The following FARP1 variants were observed in gnomAD, a reference collection of about 807,000 sequenced individuals.
The protein encoded by FARP1 is FERM, ARHGEF and pleckstrin domain-containing protein 1.
In FARP1, 52 loss-of-function variants were observed where a neutral mutation model predicts 128.8. The ratio of observed to expected loss-of-function variants is 0.40; its 90% CI spans 0.32 to 0.51. The LOEUF (loss-of-function observed/expected upper bound fraction) is 0.51. FARP1 is among the 20% of genes least tolerant of loss of function. FARP1 has a pLI of 0.45. For missense variants in FARP1, 1,333 were observed against 1,367.9 expected (o/e 0.97, Z 0.40); for synonymous variants, 580 against 551.8 (o/e 1.05, Z -0.72).
At chr13:98,334,587 C>A (rs2139841559) in intron 2 of FARP1, among the ~76,000 whole-genome samples, 1 of 152,250 alleles carries the variant, frequency 6.6e-6, no homozygotes, top group Non-Finnish European at 1.5e-5. Context: ...CATCTCTAGC[C>A]CTTTCATGAC....
intron 2 of FARP1, among the ~76,000 whole-genome samples, chr13:98,313,275 T>A (rs1366254582): frequency 6.0e-5 from 4 of 66,238 alleles, no homozygotes; most frequent in South Asian, 1.2e-3. Flanking sequence ...ACACACACAC[T>A]CTGGAATCGG....
chr13:98,447,539 G>T (rs1892926569), intron 26 of FARP1: 1 of 152,642 alleles, frequency 6.6e-6, no homozygotes, highest in Admixed American at 6.5e-5. Context: ...GTCCTGCATT[G>T]TGCAGGATGT....
chr13:98,163,542 G>GT (rs11440644), intron 1 of FARP1, among the ~76,000 whole-genome samples: 37,700 of 145,996 alleles, frequency 0.26, 5,713 homozygotes, highest in East Asian at 0.52. Flanking sequence ...ATTTGTTGGT[G>GT]TTTTTTTTTT....
At chr13:98,321,331 T>C (rs1331838358) in intron 2 of FARP1, among the ~76,000 whole-genome samples, 1 of 152,210 alleles carries the variant, frequency 6.6e-6, no homozygotes, top group African/African-American at 2.4e-5. Context: ...TTGTTGAAAG[T>C]CTTGAGTCCA....
intron 1 of FARP1, among the ~76,000 whole-genome samples, chr13:98,153,368 GT>G (rs1398548803): frequency 0.11 from 11,558 of 108,150 alleles, 712 homozygotes; most frequent in African/African-American, 0.17. Context: ...TATAAAATAT[GT>G]TATATATAAA....
In FARP1 at chr13:98,176,714, C is replaced by T. The variant is rs757647757; in HGVS notation, c.-24+33222C>T. 2 of 1,614,180 alleles carry T rather than the reference C, an allele frequency of 1.2e-6. No individual in the cohort carries two copies. The highest frequency in any genetic ancestry group is 1.7e-6 in the Non-Finnish European group (2 of 1,180,040). ...AGATGCCCTGGCGCACGTATGGGGC[C>T]CTTCCTCGCCATCCCCGAGGAGGAG... On this transcript the variant is annotated intron_variant, in intron 1 of 26. Coordinates refer to ENST00000319562, the MANE Select transcript of FARP1 (RefSeq NM_005766.4). The surrounding 1 kb of genome is among the most constrained non-coding windows in gnomAD (Gnocchi z 6.2).
At chr13:98,426,774 A>G (rs1193284320) in intron 17 of FARP1, among the ~76,000 whole-genome samples, 1 of 152,230 alleles carries the variant, frequency 6.6e-6, no homozygotes, top group Non-Finnish European at 1.5e-5. Context: ...AGCAAGAATT[A>G]CCTAAGATGT....
At chr13:98,304,416 GT>G (rs1353179488) in intron 2 of FARP1, among the ~76,000 whole-genome samples, 1 of 152,202 alleles carries the variant, frequency 6.6e-6, no homozygotes, top group East Asian at 1.9e-4. Flanking sequence ...TTGTGCTTCT[GT>G]TTCATTCATT....
chr13:98,148,618 C>A (rs1418255819), intron 1 of FARP1, among the ~76,000 whole-genome samples: 1 of 152,218 alleles, frequency 6.6e-6, no homozygotes, highest in Non-Finnish European at 1.5e-5. Context: ...CATTTTCCTT[C>A]TTCCTGAGAC....
intron 3 of FARP1, among the ~76,000 whole-genome samples, chr13:98,360,117 G>A (rs1242992606): frequency 9.2e-6 from 1 of 109,052 alleles, no homozygotes; most frequent in Non-Finnish European, 1.8e-5. Context: ...TTTTTTTTGA[G>A]ATGGAGTCTC....
At chr13:98,165,759 G>A (rs1319559850) in intron 1 of FARP1, among the ~76,000 whole-genome samples, 2 of 113,518 alleles carry the variant, frequency 1.8e-5, no homozygotes, top group South Asian at 3.0e-4. Flanking sequence ...ACTCTGTCAT[G>A]CAGGCTGGAG....
chr13:98,365,193 T>G (rs1213727926), intron 3 of FARP1, among the ~76,000 whole-genome samples: 1 of 152,200 alleles, frequency 6.6e-6, no homozygotes, highest in Non-Finnish European at 1.5e-5. Context: ...ATTTTCAAGC[T>G]CAGGGATAAT....
At chr13:98,322,280 A>G (rs554980185) in intron 2 of FARP1, among the ~76,000 whole-genome samples, 1 of 152,316 alleles carries the variant, frequency 6.6e-6, no homozygotes, top group Admixed American at 6.5e-5. Flanking sequence ...CTTGGGTGAC[A>G]AGAGTGAAAC....
intron 1 of FARP1, among the ~76,000 whole-genome samples, chr13:98,172,345 C>T (rs748983975): frequency 2.0e-5 from 3 of 151,254 alleles, no homozygotes; most frequent in East Asian, 2.0e-4. Context: ...GGGGTTGGCA[C>T]GGGGGCTGGG....
Position 98,385,730 on chromosome 13 carries a change from T to C in FARP1, c.675T>C (p.Tyr225=), listed in dbSNP as rs1262710802. ...LLEIARRLEM[Y]GIRLHPAKDR... is the part of the protein sequence containing the mutation. ...AGATTGCCCGTCGGCTAGAGATGTA[T>C]GGAATCCGGTTGCACCCGGCCAAGG... The change falls in exon 8 of 27, where the codon TAT becomes TAC. Residue 225 remains tyrosine (Y), a synonymous_variant. Coordinates refer to ENST00000319562, the MANE Select transcript of FARP1 (RefSeq NM_005766.4). The C allele has an allele frequency of 6.2e-7, 1 of 1,614,192 alleles. No individual in the cohort carries two copies. The highest frequency in any genetic ancestry group is 2.2e-5 in the East Asian group (1 of 44,878).
At chr13:98,348,018 C>T (rs1309878023) in intron 3 of FARP1, among the ~76,000 whole-genome samples, 1 of 152,138 alleles carries the variant, frequency 6.6e-6, no homozygotes. Context: ...TTATAAATAC[C>T]CAAGTCAGAG....
At chr13:98,309,173 T>G (rs1886331254) in intron 2 of FARP1, among the ~76,000 whole-genome samples, 2 of 125,436 alleles carry the variant, frequency 1.6e-5, no homozygotes, top group Non-Finnish European at 3.3e-5. Flanking sequence ...TTTTTTTTTT[T>G]TTTTTTTTTT....
intron 1 of FARP1, among the ~76,000 whole-genome samples, chr13:98,179,674 T>C (rs1878361465): frequency 6.6e-6 from 1 of 151,726 alleles, no homozygotes; most frequent in African/African-American, 2.4e-5. Context: ...ACCATCCTGG[T>C]CTACCCCATC....
At position 98,147,958 on chromosome 13, in the gene FARP1, T is replaced by C. The variant is rs117592909; in HGVS notation, c.-24+4466T>C. Among the ~76,000 whole-genome samples, 490 of 152,308 alleles carry C rather than the reference T, an allele frequency of 3.2e-3. 1 individual carries two copies. The highest frequency in any genetic ancestry group is 5.3e-3 in the Non-Finnish European group (362 of 68,036). On this transcript the variant is annotated intron_variant, in intron 1 of 26. Coordinates refer to ENST00000319562, the MANE Select transcript of FARP1 (RefSeq NM_005766.4). ...AGTCTTTAGGGTTTTTAAAGGAAAC[T>C]TGTTATTAGAATTGATAGATTGCAG...
Sources: gnomAD v4.1 joint callset for allele counts (sites outside exome capture counted in the v4.1 genomes callset) on GRCh38, gnomAD v4.1.1 for gene constraint, Gnocchi (gnomAD v3.1) non-coding constraint, MANE v1.5 for transcripts, NCBI Gene and HGNC (gene_info 2026-07-23, HGNC 2026-07-21) for gene names.